Variants in VCPKMT observed in about 807,000 individuals in gnomAD.
VCPKMT encodes valosin containing protein lysine methyltransferase.
Under a neutral mutation model 28.6 loss-of-function variants are expected in VCPKMT, and 32 were observed. That is an observed-to-expected ratio of 1.12 (90% CI 0.84 to 1.50). The LOEUF (loss-of-function observed/expected upper bound fraction) is 1.50, where lower values mean the gene tolerates loss of function less well. Ranked by LOEUF, VCPKMT falls within the 40% of genes most tolerant of loss-of-function variation. The probability of loss-of-function intolerance (pLI) is 0.00; values close to 1 mark genes in which losing one functional copy is unlikely to be tolerated. For synonymous variants in VCPKMT, 138 were observed against 111.4 expected (o/e 1.24, Z -1.50); for missense variants, 366 against 285.0 (o/e 1.28, Z -2.05).
At position 50,116,265 on chromosome 14, in the gene VCPKMT, C is replaced by T. The variant is rs753210252; in HGVS notation, c.266+22G>A. ...CCCAGCAAGAAGGCGCCCCCACATCCCGCCCGCCCGCCAGCTCTTACCCGA... is the reference window on the plus strand; with the variant it reads ...CCCAGCAAGAAGGCGCCCCCACATCTCGCCCGCCCGCCAGCTCTTACCCGA... On this transcript the variant is annotated intron_variant, in intron 1 of 5. Coordinates refer to ENST00000395860, the MANE Select transcript of VCPKMT (RefSeq NM_024558.3). The T allele has an allele frequency of 1.9e-6, 3 of 1,604,506 alleles. No individual in the cohort carries two copies. The South Asian group carries it at 3.3e-5, about 18-fold the overall frequency.
chr14:50,112,771 T>G, intron 4 of VCPKMT, 52 bp from the exon 5 acceptor site: 4 of 1,278,040 alleles, frequency 3.1e-6, no homozygotes, highest in Non-Finnish European at 4.3e-6. Flanking sequence ...AACTGACCTG[T>G]GGGTGACAGA....
rs1469449798 is a variant in VCPKMT, at chr14:50,109,532, C to T, written c.*167G>A. The T allele has an allele frequency of 2.1e-5, 28 of 1,314,450 alleles. No homozygotes were observed. The highest frequency in any genetic ancestry group is 2.6e-5 in the Non-Finnish European group (27 of 1,034,054). 81.4% of individuals were successfully genotyped at this position (1,314,450 alleles called of 1,614,324 possible). On this transcript the variant is annotated 3_prime_UTR_variant, in exon 6 of 6. Coordinates refer to ENST00000395860, the MANE Select transcript of VCPKMT (RefSeq NM_024558.3). ...GGCAGGCAGGCAAGCAGGAATTTTT[C>T]GTATTGCAGACAGCCCCTGGTGGTC... is the stretch of plus-strand genomic sequence containing the variant.
intron 3 of VCPKMT, among the ~76,000 whole-genome samples, chr14:50,115,471 A>G (rs1350111936): frequency 2.0e-4 from 30 of 152,204 alleles, no homozygotes; most frequent in Admixed American, 1.8e-3. Flanking sequence ...TTTAAAGAAA[A>G]GAACAATGAA....
At chr14:50,113,054 G>C (rs972440408) in intron 4 of VCPKMT, among the ~76,000 whole-genome samples, 1 of 152,282 alleles carries the variant, frequency 6.6e-6, no homozygotes, top group Middle Eastern at 3.4e-3. Context: ...CCAAAGTGCT[G>C]GGATTACAGG....
chr14:50,116,445 A>T lies in VCPKMT; in HGVS notation c.108T>A (p.Gly36=), dbSNP rs749149702. 1 of 1,614,022 alleles carries T rather than the reference A, an allele frequency of 6.2e-7. No homozygotes were observed. The highest frequency in any genetic ancestry group is 8.5e-7 in the Non-Finnish European group (1 of 1,179,966). The part of the protein sequence containing the change: ...TVLRLQQYSS[G]GVGCVVWDAA... ...CGTCCCACACAACGCAACCCACGCCACCGGAGCTATACTGCTGTAGTCGTA... is the reference window on the plus strand; with the variant it reads ...CGTCCCACACAACGCAACCCACGCCTCCGGAGCTATACTGCTGTAGTCGTA... Residue 36 remains glycine (G), a synonymous_variant, in exon 1 of 6, where the codon GGT becomes GGA. Transcript: ENST00000395860.
Position 50,112,663 on chromosome 14 carries a change from CTCT to C in VCPKMT, c.624_626del (p.Glu209del), listed in dbSNP as rs1412619463. ...TAATATGAATATCTTCACTTCGATA[CTCT>C]TCATCATGTTTTTCCAAAGGAATTT... On this transcript the variant is annotated inframe_deletion, in exon 5 of 6. Coordinates refer to ENST00000395860, the MANE Select transcript of VCPKMT (RefSeq NM_024558.3). 6.3e-7 allele frequency: 1 copy of C among 1,575,954 alleles called. No homozygotes were observed. The highest frequency in any genetic ancestry group is 8.6e-7 in the Non-Finnish European group (1 of 1,157,746).
rs566590947 is a variant in VCPKMT at position 50,110,868 on chromosome 14, C to T, written c.676-1155G>A. Among the ~76,000 whole-genome samples, 9 of 152,224 alleles carry T rather than the reference C, an allele frequency of 5.9e-5. No individual in the cohort carries two copies. The East Asian group carries it at 1.5e-3, about 26-fold the overall frequency. ...TGTGTGCTACAATGTAGATAAGGCTCGAGAATACTGTGCTGAGTGAAAGAA... is the reference window on the plus strand; with the variant it reads ...TGTGTGCTACAATGTAGATAAGGCTTGAGAATACTGTGCTGAGTGAAAGAA... On this transcript the variant is annotated intron_variant, in intron 5 of 5. Transcript: ENST00000395860.
At chr14:50,113,495 T>A (rs4243566) in intron 4 of VCPKMT, 128,300 of 151,762 alleles carry the variant, frequency 0.85, 54,305 homozygotes, top group East Asian at 0.91. Flanking sequence ...TGTGCCCATA[T>A]AAGGGTTTGG....
chr14:50,104,730 A>C (rs1732701013), downstream of VCPKMT, among the ~76,000 whole-genome samples: 1 of 152,076 alleles, frequency 6.6e-6, no homozygotes. Context: ...AAACTAATTA[A>C]AATGAGAAGT....
intron 5 of VCPKMT, 89 bp downstream of exon 5, chr14:50,112,520 CATCAAA>C: frequency 2.9e-6 from 2 of 695,356 alleles, no homozygotes; most frequent in Non-Finnish European, 4.8e-6. Context: ...TGTTTCTCCA[CATCAAA>C]ATCAACGCCC....
At chr14:50,105,579 C>T (rs1211970900), downstream of VCPKMT, among the ~76,000 whole-genome samples, 2 of 152,154 alleles carry the variant, frequency 1.3e-5, no homozygotes, top group East Asian at 1.9e-4. Context: ...TGCAGTGAGC[C>T]AAGATCACAC....
intron 3 of VCPKMT, among the ~76,000 whole-genome samples, chr14:50,114,977 T>C (rs909520918): frequency 1.1e-4 from 17 of 152,178 alleles, no homozygotes; most frequent in Admixed American, 9.2e-4. Flanking sequence ...GGAGTTCTCA[T>C]GGGAAACAAA....
Position 50,116,126 on chromosome 14 carries a change from T to C in VCPKMT, c.320A>G (p.Asn107Ser), listed in dbSNP as rs780194327. 1.9e-6 allele frequency: 3 copies of C among 1,614,130 alleles called. No homozygotes were observed. The highest frequency in any genetic ancestry group is 2.5e-6 in the Non-Finnish European group (3 of 1,180,030). ...LEELQDLLKMNINMNKHLVTG... is the reference protein window; with the variant it reads ...LEELQDLLKMSINMNKHLVTG... The stretch of plus-strand genomic sequence containing the variant: ...GACAAGATGCTTGTTCATATTAATA[T>C]TCATCTTCAGCAAGTCTTGCAATTC... Residue 107 changes from asparagine to serine, a missense_variant, in exon 2 of 6, where the codon AAT (asparagine) becomes AGT (serine). Asn to Ser is a conservative substitution (Grantham distance 46). Coordinates refer to ENST00000395860, the MANE Select transcript of VCPKMT (RefSeq NM_024558.3).
chr14:50,109,103 G>A lies in VCPKMT; in HGVS notation c.*596C>T, dbSNP rs13950. 0.28 allele frequency: 275,477 copies of A among 969,282 alleles called. 40,093 individuals carry two copies. Among genetic ancestry groups the A allele is most frequent in the Admixed American group, 0.41 (6,644 of 16,228 alleles). 60.0% of individuals were successfully genotyped at this position (969,282 alleles called of 1,614,324 possible). On this transcript the variant is annotated 3_prime_UTR_variant, in exon 6 of 6. Coordinates refer to ENST00000395860, the MANE Select transcript of VCPKMT (RefSeq NM_024558.3). ...AAATCACATAGATATGTATGGTGGA[G>A]GAAAAGAAAACTTTGGCTAATATAA... is the stretch of plus-strand genomic sequence containing the variant.
downstream of VCPKMT, among the ~76,000 whole-genome samples, chr14:50,103,842 A>G (rs1450651678): frequency 6.6e-6 from 1 of 152,224 alleles, no homozygotes; most frequent in Admixed American, 6.5e-5. Flanking sequence ...CAGATTTCAC[A>G]CTGCAACAGA....
At chr14:50,114,894 T>C (rs1882994578) in intron 3 of VCPKMT, among the ~76,000 whole-genome samples, 2 of 152,128 alleles carry the variant, frequency 1.3e-5, no homozygotes, top group Admixed American at 6.6e-5. Flanking sequence ...AACTAATGAT[T>C]GGGTAAGCTC....
At chr14:50,115,036 G>T (rs1883008480) in intron 3 of VCPKMT, among the ~76,000 whole-genome samples, 1 of 151,692 alleles carries the variant, frequency 6.6e-6, no homozygotes, top group Non-Finnish European at 1.5e-5. Context: ...ATCTAATTTG[G>T]GATTTAAATA....
chr14:50,116,555 C>A lies in VCPKMT; in HGVS notation c.-3G>T, dbSNP rs781206170. ...GAGGACTCCAGCGTATCCGCCATTG[C>A]GCCCGGCAACAGAAAGCGGCGCGCG... On this transcript the variant is annotated 5_prime_UTR_variant, in exon 1 of 6. Coordinates refer to ENST00000395860, the MANE Select transcript of VCPKMT (RefSeq NM_024558.3). The A allele has an allele frequency of 3.1e-6, 5 of 1,600,544 alleles. No homozygotes were observed. Among genetic ancestry groups the A allele is most frequent in the Admixed American group, 1.7e-5 (1 of 59,306 alleles).
chr14:50,112,565 C>T, intron 5 of VCPKMT, 50 bp downstream of exon 5: 1 of 1,210,936 alleles, frequency 8.3e-7, no homozygotes, highest in Non-Finnish European at 1.2e-6. Flanking sequence ...GAAATAGTGT[C>T]CAGCTGATGA....
Sources: allele counts gnomAD v4.1 joint callset (sites outside exome capture counted in the v4.1 genomes callset), GRCh38; gene constraint gnomAD v4.1.1; transcripts MANE v1.5; gene names NCBI Gene and HGNC (gene_info 2026-07-23, HGNC 2026-07-21).